The following FARS2 variants were observed in gnomAD, a reference collection of about 807,000 sequenced individuals.
The protein encoded by FARS2 is phenylalanine--tRNA ligase, mitochondrial.
In FARS2, 40 loss-of-function variants were observed where a neutral mutation model predicts 46.4. The observed-to-expected ratio is 0.86, with a 90% CI of 0.67 to 1.12. The LOEUF (loss-of-function observed/expected upper bound fraction) is 1.12. Among genes scored for constraint, FARS2 ranks in the 50% most tolerant of loss-of-function variants. The pLI, the probability that FARS2 is intolerant of heterozygous loss-of-function variation, is 0.00. For synonymous variants in FARS2, 234 were observed against 214.9 expected (o/e 1.09, Z -0.78); for missense variants, 513 against 567.9 (o/e 0.90, Z 0.98).
At chr6:5,336,376 T>G (rs183419926) in intron 1 of FARS2, among the ~76,000 whole-genome samples, 1 of 152,206 alleles carries the variant, frequency 6.6e-6, no homozygotes, top group Admixed American at 6.5e-5. Context: ...CCATATAAAC[T>G]AGAAGCTATG....
At chr6:5,658,048 GGA>G (rs1777682710) in intron 6 of FARS2, among the ~76,000 whole-genome samples, 1 of 152,184 alleles carries the variant, frequency 6.6e-6, no homozygotes, top group Non-Finnish European at 1.5e-5. Context: ...CCTGAGGTGG[GGA>G]ATTCAAGACC....
chr6:5,649,772 C>T (rs568149266), intron 6 of FARS2, among the ~76,000 whole-genome samples: 12 of 152,248 alleles, frequency 7.9e-5, no homozygotes, highest in South Asian at 2.1e-4. Context: ...TTCTAGAGCC[C>T]GTACTCTTAT....
intron 1 of FARS2, among the ~76,000 whole-genome samples, chr6:5,314,236 G>C (rs1229215666): frequency 6.6e-6 from 1 of 152,192 alleles, no homozygotes; most frequent in Non-Finnish European, 1.5e-5. Flanking sequence ...TGATGGAGGA[G>C]GGAGTGGCAG....
intron 6 of FARS2, among the ~76,000 whole-genome samples, chr6:5,617,893 T>C (rs547100355): frequency 7.2e-5 from 11 of 152,296 alleles, no homozygotes; most frequent in Non-Finnish European, 1.0e-4. Flanking sequence ...ACCTAGCTAT[T>C]ACAGTACTGG....
At chr6:5,570,818 C>A (rs773338235) in intron 5 of FARS2, among the ~76,000 whole-genome samples, 1 of 152,174 alleles carries the variant, frequency 6.6e-6, no homozygotes, top group African/African-American at 2.4e-5. Context: ...TGCACTGTCA[C>A]CACAGCTGTG....
At chr6:5,361,364 A>G (rs1036141087) in intron 1 of FARS2, among the ~76,000 whole-genome samples, 2 of 152,086 alleles carry the variant, frequency 1.3e-5, no homozygotes, top group African/African-American at 4.8e-5. Context: ...TAATACTGTA[A>G]TGAAACTTCT....
At chr6:5,711,590 CT>C (rs200387284) in intron 6 of FARS2, among the ~76,000 whole-genome samples, 2,052 of 149,924 alleles carry the variant, frequency 0.014, 57 homozygotes, top group African/African-American at 0.047. Flanking sequence ...TACTCAACCT[CT>C]GCGATCTTCC....
intron 1 of FARS2, among the ~76,000 whole-genome samples, chr6:5,344,127 A>G (rs1036789740): frequency 1.3e-5 from 2 of 152,190 alleles, no homozygotes; most frequent in South Asian, 2.1e-4. Flanking sequence ...CCTCAGAGCA[A>G]GTGGCCTCCA....
chr6:5,524,044 C>T (rs543334475), intron 4 of FARS2, among the ~76,000 whole-genome samples: 3 of 152,182 alleles, frequency 2.0e-5, no homozygotes, highest in Admixed American at 1.3e-4. Context: ...GAAGACTGGT[C>T]TCACTGTTTC....
At position 5,534,844 on chromosome 6, in the gene FARS2, T is replaced by TACACACTTGCACGTGCACACAC. The variant is rs1554106107; in HGVS notation, c.905-10323_905-10322insTGCACACACACACACTTGCACG. On this transcript the variant is annotated intron_variant, in intron 4 of 6. Coordinates refer to ENST00000274680, the MANE Select transcript of FARS2 (RefSeq NM_006567.5). ...ACATGCACGCACACACACGCACGCA[T>TACACACTTGCACGTGCACACAC]ACACACTTGCACGCGCACACACACA... is the stretch of plus-strand genomic sequence containing the variant. 1.7e-4 allele frequency among the ~76,000 whole-genome samples: 25 copies of TACACACTTGCACGTGCACACAC among 150,632 alleles called. 1 individual carries two copies. Among genetic ancestry groups the TACACACTTGCACGTGCACACAC allele is most frequent in the African/African-American group, 6.2e-4 (25 of 40,376 alleles).
At chr6:5,671,530 C>T (rs1336345255) in intron 6 of FARS2, among the ~76,000 whole-genome samples, 1 of 152,192 alleles carries the variant, frequency 6.6e-6, no homozygotes, top group African/African-American at 2.4e-5. Context: ...GATTTATCAG[C>T]AGATGGTGAG....
chr6:5,754,917 C>T (rs1220115737), intron 6 of FARS2, among the ~76,000 whole-genome samples: 1 of 152,150 alleles, frequency 6.6e-6, no homozygotes, highest in Non-Finnish European at 1.5e-5. Flanking sequence ...ATTATGTTTC[C>T]TGAGTCTGAA....
intron 4 of FARS2, among the ~76,000 whole-genome samples, chr6:5,432,376 T>TA (rs1763255092): frequency 8.2e-6 from 1 of 121,646 alleles, no homozygotes; most frequent in Non-Finnish European, 1.7e-5. Context: ...ATATTATATA[T>TA]TTATATATTA....
chr6:5,341,199 A>C (rs1385474629), intron 1 of FARS2, among the ~76,000 whole-genome samples: 129 of 3,538 alleles, frequency 0.036, 4 homozygotes, highest in Non-Finnish European at 0.087. Context: ...ATATATATAT[A>C]TATATATATA....
intron 1 of FARS2, among the ~76,000 whole-genome samples, chr6:5,316,068 A>C (rs1380722344): frequency 6.6e-6 from 1 of 152,232 alleles, no homozygotes; most frequent in Non-Finnish European, 1.5e-5. Flanking sequence ...TAATGGAGCC[A>C]TCTGCATGTT....
intron 1 of FARS2, among the ~76,000 whole-genome samples, chr6:5,269,045 TTA>T (rs1204950709): frequency 1.2e-4 from 19 of 152,202 alleles, no homozygotes; most frequent in African/African-American, 4.6e-4. Context: ...ACACATGTGT[TTA>T]TTGCAGCACT....
chr6:5,319,016 C>T (rs1481455655), intron 1 of FARS2, among the ~76,000 whole-genome samples: 1 of 152,078 alleles, frequency 6.6e-6, no homozygotes, highest in African/African-American at 2.4e-5. Flanking sequence ...TAGTTAGGTT[C>T]TTCCTTATGG....
chr6:5,380,669 A>C (rs1759699029), intron 2 of FARS2, among the ~76,000 whole-genome samples: 1 of 152,126 alleles, frequency 6.6e-6, no homozygotes, highest in Non-Finnish European at 1.5e-5. Context: ...TCTACTCACA[A>C]ATGTAAAAGA....
At chr6:5,563,236 A>T (rs1772116822) in intron 5 of FARS2, among the ~76,000 whole-genome samples, 1 of 152,122 alleles carries the variant, frequency 6.6e-6, no homozygotes, top group Non-Finnish European at 1.5e-5. Context: ...AGCCCATGAA[A>T]ATGCTGGCCC....
Sources: allele counts gnomAD v4.1 joint callset (sites outside exome capture counted in the v4.1 genomes callset), GRCh38; gene constraint gnomAD v4.1.1; transcripts MANE v1.5; gene names NCBI Gene and HGNC (gene_info 2026-07-23, HGNC 2026-07-21).